Variants in DLGAP2 observed in about 807,000 individuals in gnomAD.
DLGAP2 encodes the protein disks large-associated protein 2.
Under a neutral mutation model 100.3 loss-of-function variants are expected in DLGAP2, and 26 were observed. The observed-to-expected ratio is 0.26, with a 90% CI of 0.19 to 0.36. DLGAP2 has a LOEUF of 0.36. Ranked by LOEUF, DLGAP2 falls within the 10% of genes least tolerant of loss-of-function variation. DLGAP2 has a pLI of 1.00. For missense variants in DLGAP2, 1,858 were observed against 1,453.2 expected (o/e 1.28, Z -4.53); for synonymous variants, 886 against 630.1 (o/e 1.41, Z -6.08).
intron 2 of DLGAP2, among the ~76,000 whole-genome samples, chr8:1,159,889 C>G (rs1179578948): frequency 6.6e-6 from 1 of 152,184 alleles, no homozygotes; most frequent in Non-Finnish European, 1.5e-5. Flanking sequence ...CTGAAGGAGG[C>G]ATGGACACCA....
intron 1 of DLGAP2, among the ~76,000 whole-genome samples, chr8:775,062 C>T (rs1283871560): frequency 1.3e-5 from 2 of 152,182 alleles, no homozygotes; most frequent in African/African-American, 4.8e-5. Flanking sequence ...AGAGGTCCTT[C>T]TCGTCCCTTG....
intron 2 of DLGAP2, among the ~76,000 whole-genome samples, chr8:912,805 G>C (rs954287375): frequency 1.4e-5 from 2 of 144,110 alleles, no homozygotes; most frequent in Non-Finnish European, 3.0e-5. Flanking sequence ...CTGTGGAGCC[G>C]GCTTCCCACA....
intron 1 of DLGAP2, among the ~76,000 whole-genome samples, chr8:834,238 G>A (rs1181752118): frequency 6.6e-6 from 1 of 152,208 alleles, no homozygotes; most frequent in Admixed American, 6.5e-5. Flanking sequence ...GCTGGCTTTT[G>A]TGACCCCATA....
At chr8:1,031,392 T>A (rs532928142) in intron 2 of DLGAP2, among the ~76,000 whole-genome samples, 11 of 152,210 alleles carry the variant, frequency 7.2e-5, no homozygotes, top group South Asian at 6.2e-4. Flanking sequence ...GCACTTTATT[T>A]TTTTTTTTAA....
intron 2 of DLGAP2, among the ~76,000 whole-genome samples, chr8:975,453 A>T (rs1233545339): frequency 6.6e-6 from 1 of 152,178 alleles, no homozygotes; most frequent in Non-Finnish European, 1.5e-5. Flanking sequence ...AGAAAGGATC[A>T]CTGCAGACCA....
chr8:951,465 G>C (rs1027479166), intron 2 of DLGAP2, among the ~76,000 whole-genome samples: 29 of 152,068 alleles, frequency 1.9e-4, no homozygotes, highest in Non-Finnish European at 3.1e-4. Context: ...TGGCCAGGTG[G>C]GTCTTGAACT....
At chr8:840,667 G>A (rs143244853) in intron 1 of DLGAP2, among the ~76,000 whole-genome samples, 2 of 133,806 alleles carry the variant, frequency 1.5e-5, no homozygotes, top group African/African-American at 5.5e-5. Context: ...TTCTGCGAGC[G>A]CGTCCACACG....
chr8:1,317,783 C>G lies in DLGAP2; in HGVS notation c.106+58900C>G, dbSNP rs1308620280. 1.8e-5 allele frequency among the ~76,000 whole-genome samples: 2 copies of G among 108,612 alleles called. 1 individual carries two copies. The highest frequency in any genetic ancestry group is 3.7e-5 in the Non-Finnish European group (2 of 54,414). 71.3% of individuals were successfully genotyped at this position (108,612 alleles called of 152,430 possible). On this transcript the variant is annotated intron_variant, in intron 3 of 14. Coordinates refer to ENST00000637795, the MANE Select transcript of DLGAP2 (RefSeq NM_001346810.2). ...CCAACAGTGGTCTACACTCGAGACA[C>G]TCGTCAGTGTTAAAAAATAGAGCGT...
chr8:908,656 T>C (rs1798426809), intron 2 of DLGAP2, among the ~76,000 whole-genome samples: 1 of 152,248 alleles, frequency 6.6e-6, no homozygotes, highest in African/African-American at 2.4e-5. Flanking sequence ...GATATGGATC[T>C]GCATTTTTGT....
At chr8:1,299,072 C>T (rs1800265575) in intron 3 of DLGAP2, among the ~76,000 whole-genome samples, 1 of 152,200 alleles carries the variant, frequency 6.6e-6, no homozygotes, top group Non-Finnish European at 1.5e-5. Context: ...GAATGTGAGC[C>T]TTGTGGGTAA....
At chr8:977,675 G>C (rs1800201726) in intron 2 of DLGAP2, among the ~76,000 whole-genome samples, 1 of 152,060 alleles carries the variant, frequency 6.6e-6, no homozygotes, top group East Asian at 1.9e-4. Context: ...CATTTTCCCT[G>C]TTATAGACTG....
In DLGAP2 at chr8:1,247,488, C is replaced by T. The variant is rs190935108; in HGVS notation, c.74-11363C>T. 3.8e-3 allele frequency among the ~76,000 whole-genome samples: 45 copies of T among 11,782 alleles called. 1 individual carries two copies. The highest frequency in any genetic ancestry group is 0.014 in the South Asian group (6 of 426). The allele number at this position is 11,782 out of a possible 152,430, so 7.7% of individuals were successfully genotyped here. A position where few individuals can be genotyped will look rare whatever the true frequency, so the allele number is the denominator to read the frequency against. On this transcript the variant is annotated intron_variant, in intron 2 of 14. Transcript: ENST00000637795. ...GGGAGTGATGGTCCATGTTGGTGGCCGGGAAGACCTTTGAGATCAGTGTGG... is the reference window on the plus strand; with the variant it reads ...GGGAGTGATGGTCCATGTTGGTGGCTGGGAAGACCTTTGAGATCAGTGTGG...
intron 4 of DLGAP2, among the ~76,000 whole-genome samples, chr8:1,543,219 A>G (rs548605737): frequency 1.3e-5 from 2 of 152,110 alleles, no homozygotes; most frequent in Non-Finnish European, 2.9e-5. Context: ...AGTTTATTTT[A>G]TCTATATTTT....
At chr8:930,539 G>T (rs1009637303) in intron 2 of DLGAP2, among the ~76,000 whole-genome samples, 1 of 152,236 alleles carries the variant, frequency 6.6e-6, no homozygotes, top group Admixed American at 6.5e-5. Context: ...ACAATAGATT[G>T]CCAGGCAGAC....
intron 2 of DLGAP2, among the ~76,000 whole-genome samples, chr8:1,200,449 A>T (rs1177713283): frequency 6.6e-6 from 1 of 152,180 alleles, no homozygotes; most frequent in Non-Finnish European, 1.5e-5. Flanking sequence ...TTCCGTTCAC[A>T]CTGCGATGCT....
chr8:930,861 C>T (rs775858210), intron 2 of DLGAP2, among the ~76,000 whole-genome samples: 1 of 152,110 alleles, frequency 6.6e-6, no homozygotes, highest in African/African-American at 2.4e-5. Context: ...GGGAGGGAGG[C>T]GCCTTGCTCA....
intron 12 of DLGAP2, among the ~76,000 whole-genome samples, chr8:1,691,223 G>C (rs1056696207): frequency 1.3e-5 from 2 of 152,142 alleles, no homozygotes; most frequent in African/African-American, 4.8e-5. Context: ...CATCCAAACA[G>C]CAGCACTGAA....
intron 3 of DLGAP2, among the ~76,000 whole-genome samples, chr8:1,324,792 G>T (rs918165886): frequency 6.6e-6 from 1 of 152,182 alleles, no homozygotes; most frequent in Non-Finnish European, 1.5e-5. Context: ...TATCAGAGGA[G>T]CGGGAGTCAC....
chr8:741,914 A>G (rs1007762543), intron 1 of DLGAP2, among the ~76,000 whole-genome samples: 11 of 152,254 alleles, frequency 7.2e-5, no homozygotes, highest in Admixed American at 7.2e-4. Flanking sequence ...GCATCAGTGC[A>G]CAGCCTTGCA....
Sources: allele counts gnomAD v4.1 joint callset (sites outside exome capture counted in the v4.1 genomes callset), GRCh38; gene constraint gnomAD v4.1.1; transcripts MANE v1.5; gene names NCBI Gene and HGNC (gene_info 2026-07-23, HGNC 2026-07-21).